RBFOX1: variants seen among roughly 807,000 people sequenced by gnomAD.
RBFOX1 encodes RNA binding fox-1 homolog 1, also known as RNA binding protein fox-1 homolog 1.
Under a neutral mutation model 57.7 loss-of-function variants are expected in RBFOX1, and 8 were observed. The ratio of observed to expected loss-of-function variants is 0.14; its 90% confidence interval spans 0.08 to 0.25. The LOEUF (loss-of-function observed/expected upper bound fraction) is 0.25. RBFOX1 is among the 10% of genes least tolerant of loss of function. The pLI, the probability that RBFOX1 is intolerant of heterozygous loss-of-function variation, is 1.00. For missense variants in RBFOX1, 611 were observed against 548.5 expected (o/e 1.11, Z -1.14); for synonymous variants, 326 against 222.4 (o/e 1.47, Z -4.15).
At chr16:5,789,488 G>A (rs1403059183) in intron 3 of RBFOX1, among the ~76,000 whole-genome samples, 1 of 152,116 alleles carries the variant, frequency 6.6e-6, no homozygotes, top group Non-Finnish European at 1.5e-5. Flanking sequence ...TGTATTTGGA[G>A]TCAAGTTTTA....
intron 4 of RBFOX1, among the ~76,000 whole-genome samples, chr16:7,141,606 A>C (rs1008577454): frequency 1.3e-5 from 2 of 152,182 alleles, no homozygotes; most frequent in African/African-American, 4.8e-5. Context: ...GAAAGATTGC[A>C]TGTTCATTAA....
At chr16:5,592,645 A>T (rs1467524366) in intron 2 of RBFOX1, among the ~76,000 whole-genome samples, 1 of 152,146 alleles carries the variant, frequency 6.6e-6, no homozygotes, top group Non-Finnish European at 1.5e-5. Context: ...AATCTATTTT[A>T]TTATGTTAAG....
At chr16:6,352,432 T>C (rs183459810) in intron 2 of RBFOX1, among the ~76,000 whole-genome samples, 80 of 152,314 alleles carry the variant, frequency 5.3e-4, no homozygotes, top group South Asian at 3.5e-3. Context: ...TGTTGAACAA[T>C]TATGACCATC....
intron 3 of RBFOX1, among the ~76,000 whole-genome samples, chr16:5,722,447 G>A (rs1206840994): frequency 6.6e-6 from 1 of 152,148 alleles, no homozygotes; most frequent in South Asian, 2.1e-4. Context: ...GCACACATTT[G>A]CTGTAGAGAA....
chr16:7,122,853 A>T (rs928255038), intron 4 of RBFOX1, among the ~76,000 whole-genome samples: 6 of 152,206 alleles, frequency 3.9e-5, no homozygotes, highest in African/African-American at 1.4e-4. Context: ...TACACGTGGA[A>T]TACTACTGAA....
intron 2 of RBFOX1, among the ~76,000 whole-genome samples, chr16:6,515,992 G>C (rs2096370128): frequency 6.6e-6 from 1 of 151,998 alleles, no homozygotes; most frequent in Non-Finnish European, 1.5e-5. Context: ...TAGACTTCCT[G>C]GTTTTATTTT....
chr16:6,028,666 G>A (rs1361284759), intron 1 of RBFOX1, among the ~76,000 whole-genome samples: 1 of 152,006 alleles, frequency 6.6e-6, no homozygotes, highest in African/African-American at 2.4e-5. Context: ...TGGCAACAGA[G>A]CAAGACCCTA....
At chr16:6,006,895 C>T (rs1471500283) in intron 4 of RBFOX1, among the ~76,000 whole-genome samples, 1 of 152,192 alleles carries the variant, frequency 6.6e-6, no homozygotes, top group African/African-American at 2.4e-5. Context: ...GCTCTTTTGT[C>T]ACATGGGTCC....
intron 3 of RBFOX1, among the ~76,000 whole-genome samples, chr16:6,923,685 C>A (rs896276787): frequency 6.6e-6 from 1 of 152,148 alleles, no homozygotes; most frequent in Non-Finnish European, 1.5e-5. Context: ...CTCTTTACCC[C>A]TTGACTGCCA....
intron 4 of RBFOX1, among the ~76,000 whole-genome samples, chr16:7,309,386 C>T (rs1250366345): frequency 6.6e-6 from 1 of 152,188 alleles, no homozygotes; most frequent in Non-Finnish European, 1.5e-5. Flanking sequence ...TTACTTAATC[C>T]AACAATCACT....
At chr16:5,969,467 A>G (rs564732837) in intron 4 of RBFOX1, among the ~76,000 whole-genome samples, 2,004 of 141,396 alleles carry the variant, frequency 0.014, 14 homozygotes, top group Non-Finnish European at 0.022. Context: ...ACATGCCATC[A>G]CGCCTGGCTA....
intron 1 of RBFOX1, among the ~76,000 whole-genome samples, chr16:5,357,154 C>T (rs371932964): frequency 2.6e-5 from 4 of 152,124 alleles, no homozygotes; most frequent in East Asian, 1.9e-4. Flanking sequence ...GCTCACTGCT[C>T]GAGCCCTTCC....
rs758046729 is a variant in RBFOX1, at chr16:6,759,473, C to CTCTG, written c.-16+104824_-16+104825insCTGT. Among the ~76,000 whole-genome samples, 1,347 of 143,172 alleles carry CTCTG rather than the reference C, an allele frequency of 9.4e-3. 20 individuals are homozygous for CTCTG. Among genetic ancestry groups the CTCTG allele is most frequent in the African/African-American group, 0.019 (723 of 37,298 alleles). The allele number at this position is 143,172 out of a possible 152,430, so 93.9% of individuals were successfully genotyped here. A position where few individuals can be genotyped will look rare whatever the true frequency, so the allele number is the denominator to read the frequency against. The stretch of plus-strand genomic sequence containing the variant: ...CTTCATTTCTTGATATGTCAGTTGT[C>CTCTG]TGTGTGTGTGTGTGTGTGTGTGTGT... On this transcript the variant is annotated intron_variant, in intron 3 of 15. Transcript: ENST00000550418.
chr16:6,490,304 C>G (rs1478045687), intron 2 of RBFOX1, among the ~76,000 whole-genome samples: 1 of 152,082 alleles, frequency 6.6e-6, no homozygotes, highest in Non-Finnish European at 1.5e-5. Flanking sequence ...TCCAGAAAAC[C>G]AAGACAGAAG....
chr16:6,654,625 C>G lies in RBFOX1; in HGVS notation c.-41C>G. The G allele has an allele frequency of 1.3e-6, 2 of 1,510,664 alleles. No homozygotes were observed. The highest frequency in any genetic ancestry group is 2.5e-5 in the East Asian group (1 of 39,628). 93.6% of individuals were successfully genotyped at this position (1,510,664 alleles called of 1,614,324 possible). A position where few individuals can be genotyped will look rare whatever the true frequency, so the allele number is the denominator to read the frequency against. On this transcript the variant is annotated 5_prime_UTR_variant, in exon 3 of 16. Transcript: ENST00000550418. ...CAGGATATCAAAGCAGACTGCAATA[C>G]CTGCGTGGAAATAGAAGACAGAAAG...
chr16:7,260,091 C>T (rs1357397648), intron 4 of RBFOX1, among the ~76,000 whole-genome samples: 1 of 152,052 alleles, frequency 6.6e-6, no homozygotes, highest in Non-Finnish European at 1.5e-5. Flanking sequence ...AAATATATAA[C>T]CATATATTGT....
intron 4 of RBFOX1, among the ~76,000 whole-genome samples, chr16:7,213,407 G>C (rs541137899): frequency 1.3e-5 from 2 of 152,322 alleles, no homozygotes; most frequent in South Asian, 2.1e-4. Flanking sequence ...TAGGCAGCCA[G>C]AGTTGAGAAC....
At chr16:6,669,246 T>C (rs2154107975) in intron 3 of RBFOX1, among the ~76,000 whole-genome samples, 1 of 152,264 alleles carries the variant, frequency 6.6e-6, no homozygotes, top group African/African-American at 2.4e-5. Context: ...AAGGGTGGGG[T>C]GGGAAACCAT....
intron 3 of RBFOX1, among the ~76,000 whole-genome samples, chr16:6,945,964 C>T (rs113308092): frequency 3.9e-5 from 6 of 152,198 alleles, no homozygotes; most frequent in Non-Finnish European, 7.3e-5. Flanking sequence ...CATTCTGCCT[C>T]AATTTCCACA....
Sources: gnomAD v4.1 joint callset for allele counts (sites outside exome capture counted in the v4.1 genomes callset) on GRCh38, gnomAD v4.1.1 for gene constraint, MANE v1.5 for transcripts, NCBI Gene and HGNC (gene_info 2026-07-23, HGNC 2026-07-21) for gene names.